Variants in SOX6 observed in about 807,000 individuals in gnomAD.
SOX6 encodes the protein SRY-box transcription factor 6, also known as transcription factor SOX-6.
Under a neutral mutation model 97.8 loss-of-function variants are expected in SOX6, and 11 were observed. That is an observed-to-expected ratio of 0.11 (90% CI 0.07 to 0.19). The LOEUF (loss-of-function observed/expected upper bound fraction) is 0.19. SOX6 is among the 10% of genes least tolerant of loss of function. SOX6 has a pLI of 1.00. For synonymous variants in SOX6, 360 were observed against 371.4 expected, an observed-to-expected ratio of 0.97 and a Z score of 0.35; for missense variants, 810 against 1,039.5, an observed-to-expected ratio of 0.78 and a Z score of 3.04.
chr11:16,099,437 G>C (rs941787810), intron 7 of SOX6, among the ~76,000 whole-genome samples: 13 of 151,460 alleles, frequency 8.6e-5, no homozygotes, highest in African/African-American at 3.2e-4. Context: ...AATTAATGAT[G>C]CTTCAAAAAT....
intron 12 of SOX6, among the ~76,000 whole-genome samples, chr11:16,045,883 T>C (rs1855813612): frequency 6.6e-6 from 1 of 152,198 alleles, no homozygotes; most frequent in Non-Finnish European, 1.5e-5. Context: ...TTCCTGCCAT[T>C]ACATTTTCTA....
In SOX6 at chr11:16,733,498, T is replaced by C. The variant is rs543600972; in HGVS notation, n.353+2841A>G. ...AAGAATAGAAAAACCAAACACGACATGTTCCCACTCATAAGCGGCAGTTGA... is the reference window on the plus strand; with the variant it reads ...AAGAATAGAAAAACCAAACACGACACGTTCCCACTCATAAGCGGCAGTTGA... On this transcript the variant is annotated intron_variant and non_coding_transcript_variant, in intron 2 of 5. Transcript: ENST00000524520. Among the ~76,000 whole-genome samples, 23 of 149,938 alleles carry C rather than the reference T, an allele frequency of 1.5e-4. No homozygotes were observed. The South Asian group carries it at 3.6e-3, about 23-fold the overall frequency.
At chr11:16,321,159 T>C (rs947672381) in intron 2 of SOX6, among the ~76,000 whole-genome samples, 95 of 152,062 alleles carry the variant, frequency 6.2e-4, no homozygotes, top group African/African-American at 2.1e-3. Context: ...ATAAAGTCCG[T>C]ATTAGACATC....
At chr11:16,299,222 G>T (rs1257483150) in intron 3 of SOX6, among the ~76,000 whole-genome samples, 1 of 152,062 alleles carries the variant, frequency 6.6e-6, no homozygotes, top group Non-Finnish European at 1.5e-5. Flanking sequence ...TCTACTGCAC[G>T]AAAATAAAGT....
chr11:16,351,271 T>A (rs191705258), intron 1 of SOX6, among the ~76,000 whole-genome samples: 2 of 152,172 alleles, frequency 1.3e-5, no homozygotes, highest in Non-Finnish European at 1.5e-5. Flanking sequence ...GAACACTCTA[T>A]CCACCTCCTC....
chr11:16,454,074 A>G (rs1200377967), intron 1 of SOX6, among the ~76,000 whole-genome samples: 1 of 152,134 alleles, frequency 6.6e-6, no homozygotes, highest in Non-Finnish European at 1.5e-5. Flanking sequence ...TTGATGATGC[A>G]GTCTTTTTTA....
intron 4 of SOX6, among the ~76,000 whole-genome samples, chr11:16,502,159 G>T (rs535444960): frequency 1.3e-5 from 2 of 152,174 alleles, no homozygotes; most frequent in Non-Finnish European, 2.9e-5. Flanking sequence ...CATGTCCTTT[G>T]TAGGGACATG....
intron 3 of SOX6, among the ~76,000 whole-genome samples, chr11:16,633,548 G>A (rs1487502339): frequency 6.6e-6 from 1 of 152,238 alleles, no homozygotes; most frequent in Non-Finnish European, 1.5e-5. Context: ...AGCTGTGGGT[G>A]TAAGTGAGTT....
At chr11:16,183,811 G>T in intron 6 of SOX6, 75 bp downstream of exon 6, 1 of 1,359,066 alleles carries the variant, frequency 7.4e-7, no homozygotes, top group Non-Finnish European at 1.1e-6. Flanking sequence ...GGGTACATCT[G>T]CAGAGTTTTA....
chr11:16,679,161 TG>T (rs1044701879), intron 3 of SOX6, among the ~76,000 whole-genome samples: 2 of 152,214 alleles, frequency 1.3e-5, no homozygotes, highest in Non-Finnish European at 2.9e-5. Context: ...CCTCCTCAAG[TG>T]GGTCCCTGAC....
Position 16,665,612 on chromosome 11 carries a change from T to A in SOX6, n.429+49218A>T, listed in dbSNP as rs75837180. ...CTAGACCTGCCCAGGACTGGGGGGATCTTGTTACCCTGAAGGGAAGGACAC... is the reference window on the plus strand; with the variant it reads ...CTAGACCTGCCCAGGACTGGGGGGAACTTGTTACCCTGAAGGGAAGGACAC... On this transcript the variant is annotated intron_variant and non_coding_transcript_variant, in intron 3 of 5. Transcript: ENST00000524520. Among the ~76,000 whole-genome samples, 849 of 152,238 alleles carry A rather than the reference T, an allele frequency of 5.6e-3. 5 individuals carry two copies. Among genetic ancestry groups the A allele is most frequent in the African/African-American group, 0.02 (815 of 41,562 alleles).
intron 4 of SOX6, among the ~76,000 whole-genome samples, chr11:16,500,702 A>G (rs970081558): frequency 6.6e-6 from 1 of 152,224 alleles, no homozygotes; most frequent in Non-Finnish European, 1.5e-5. Context: ...GTGAACTCCC[A>G]TTCACAATTG....
intron 10 of SOX6, among the ~76,000 whole-genome samples, chr11:16,051,414 A>C (rs1248936812): frequency 1.3e-5 from 2 of 152,168 alleles, no homozygotes; most frequent in African/African-American, 4.8e-5. Flanking sequence ...AGAGAAAATA[A>C]GTCTATTGTT....
intron 4 of SOX6, among the ~76,000 whole-genome samples, chr11:16,202,658 A>G (rs1005447471): frequency 2.6e-5 from 4 of 152,152 alleles, no homozygotes; most frequent in African/African-American, 2.4e-5. Flanking sequence ...ACAACCACCT[A>G]TCTCTCCAGA....
intron 2 of SOX6, among the ~76,000 whole-genome samples, chr11:16,339,909 G>GA (rs1451556497): frequency 6.6e-6 from 1 of 151,988 alleles, no homozygotes; most frequent in African/African-American, 2.4e-5. Context: ...TCCTACTCAA[G>GA]AAAAATAAAT....
intron 1 of SOX6, among the ~76,000 whole-genome samples, chr11:16,467,561 T>C (rs1317766128): frequency 6.6e-6 from 1 of 152,170 alleles, no homozygotes; most frequent in Non-Finnish European, 1.5e-5. Flanking sequence ...CACATATTCT[T>C]ACTTAAAAGT....
intron 3 of SOX6, among the ~76,000 whole-genome samples, chr11:16,673,446 C>A (rs567015549): frequency 1.3e-5 from 2 of 152,042 alleles, no homozygotes; most frequent in South Asian, 4.2e-4. Context: ...CAGAGAAATT[C>A]AAAAGATAAT....
At chr11:16,283,440 G>A (rs1854638757) in intron 3 of SOX6, among the ~76,000 whole-genome samples, 1 of 151,526 alleles carries the variant, frequency 6.6e-6, no homozygotes, top group Admixed American at 6.6e-5. Context: ...AGAAAATTAT[G>A]TTCAAAAGGT....
At chr11:15,992,629 C>T (rs1430355230) in intron 13 of SOX6, among the ~76,000 whole-genome samples, 1 of 152,054 alleles carries the variant, frequency 6.6e-6, no homozygotes, top group African/African-American at 2.4e-5. Flanking sequence ...CACTAACATC[C>T]TAGAAAGGGA....
Sources: gnomAD v4.1 joint callset for allele counts (sites outside exome capture counted in the v4.1 genomes callset) on GRCh38, gnomAD v4.1.1 for gene constraint, MANE v1.5 for transcripts, NCBI Gene and HGNC (gene_info 2026-07-23, HGNC 2026-07-21) for gene names.